PCDH15: variants seen among roughly 807,000 people sequenced by gnomAD.
PCDH15 encodes the protein protocadherin related 15, also known as protocadherin-15.
In PCDH15, 129 loss-of-function variants were observed where a neutral mutation model predicts 178.5. That is an observed-to-expected ratio of 0.72 (90% CI 0.63 to 0.84). PCDH15 has a LOEUF of 0.84. Among genes scored for constraint, PCDH15 ranks in the 40% least tolerant of loss-of-function variants. The probability of loss-of-function intolerance (pLI) is 0.00; values close to 1 mark genes in which losing one functional copy is unlikely to be tolerated. For missense variants in PCDH15, 2,230 were observed against 2,099.9 expected, an observed-to-expected ratio of 1.06 and a Z score of -1.21; for synonymous variants, 800 against 732.0, an observed-to-expected ratio of 1.09 and a Z score of -1.50.
At chr10:55,492,043 T>C (rs1328840159) in intron 2 of PCDH15, among the ~76,000 whole-genome samples, 1 of 151,664 alleles carries the variant, frequency 6.6e-6, no homozygotes, top group African/African-American at 2.4e-5. Context: ...CACAAACTGA[T>C]TGAACAATAA....
At chr10:54,250,122 G>C (rs537594107) in intron 8 of PCDH15, among the ~76,000 whole-genome samples, 1 of 148,312 alleles carries the variant, frequency 6.7e-6, no homozygotes, top group Non-Finnish European at 1.5e-5. Context: ...TGCCCAGGCT[G>C]GTCTCGAACT....
intron 25 of PCDH15, among the ~76,000 whole-genome samples, chr10:53,918,260 T>G (rs1030749580): frequency 1.3e-5 from 2 of 152,032 alleles, no homozygotes; most frequent in African/African-American, 4.8e-5. Context: ...ATCCATGAAA[T>G]AGGTATTTTC....
At chr10:55,279,095 G>A (rs558899715) in intron 1 of PCDH15, among the ~76,000 whole-genome samples, 247 of 152,294 alleles carry the variant, frequency 1.6e-3, no homozygotes, top group Non-Finnish European at 2.4e-3. Context: ...CGAGATGAGT[G>A]AGAGCCATTC....
At chr10:55,540,019 A>G (rs1174602994) in intron 2 of PCDH15, among the ~76,000 whole-genome samples, 8 of 152,086 alleles carry the variant, frequency 5.3e-5, no homozygotes, top group Non-Finnish European at 1.2e-4. Flanking sequence ...TTGTGGATCA[A>G]TAATTCAAAT....
chr10:55,552,731 A>AT (rs1842024209), intron 2 of PCDH15, among the ~76,000 whole-genome samples: 1 of 151,420 alleles, frequency 6.6e-6, no homozygotes, highest in Non-Finnish European at 1.5e-5. Flanking sequence ...ATATTAACTA[A>AT]TGCATGACTT....
intron 3 of PCDH15, among the ~76,000 whole-genome samples, chr10:54,447,981 A>G (rs2076246908): frequency 6.6e-6 from 1 of 151,740 alleles, no homozygotes; most frequent in Non-Finnish European, 1.5e-5. Flanking sequence ...GATATCCCAT[A>G]TGTTATAATA....
At chr10:55,070,571 G>T (rs1052066505) in intron 2 of PCDH15, among the ~76,000 whole-genome samples, 1 of 152,062 alleles carries the variant, frequency 6.6e-6, no homozygotes, top group Admixed American at 6.6e-5. Context: ...TCAGGTTTGT[G>T]AAAGATCAGA....
intron 1 of PCDH15, among the ~76,000 whole-genome samples, chr10:54,665,281 G>A (rs1326061572): frequency 6.6e-6 from 1 of 152,018 alleles, no homozygotes; most frequent in African/African-American, 2.4e-5. Flanking sequence ...ATGCAAGCCA[G>A]TGTTTCTGGG....
At chr10:54,999,729 C>T (rs541891501) in intron 2 of PCDH15, among the ~76,000 whole-genome samples, 15 of 152,166 alleles carry the variant, frequency 9.9e-5, no homozygotes, top group East Asian at 5.8e-4. Context: ...AGATATCGGG[C>T]GAAATTCACC....
chr10:55,271,479 A>G (rs1184982982), intron 1 of PCDH15, among the ~76,000 whole-genome samples: 1 of 152,124 alleles, frequency 6.6e-6, no homozygotes, highest in Non-Finnish European at 1.5e-5. Context: ...GCAATGAACA[A>G]AAATAAACAT....
Position 54,462,192 on chromosome 10 carries a change from T to C in PCDH15, c.157+65620A>G, listed in dbSNP as rs569462938. Among the ~76,000 whole-genome samples, 23 of 152,210 alleles carry C rather than the reference T, an allele frequency of 1.5e-4. 1 individual carries two copies. The South Asian group carries it at 4.1e-3, about 27-fold the overall frequency. On this transcript the variant is annotated intron_variant, in intron 3 of 37. Coordinates refer to ENST00000644397, the MANE Select transcript of PCDH15 (RefSeq NM_001384140.1). ...TTCTGCAAATGTGCGTAATAATTTTTGTCAATGTTGAAAATCTTTAGGACT... is the reference window on the plus strand; with the variant it reads ...TTCTGCAAATGTGCGTAATAATTTTCGTCAATGTTGAAAATCTTTAGGACT...
intron 2 of PCDH15, among the ~76,000 whole-genome samples, chr10:54,578,148 T>C (rs2090695993): frequency 6.6e-6 from 1 of 152,144 alleles, no homozygotes; most frequent in Admixed American, 6.6e-5. Context: ...CTTAGCCTTT[T>C]TGAAGTACTT....
chr10:54,154,266 C>A (rs930212278), intron 13 of PCDH15, among the ~76,000 whole-genome samples: 2 of 151,938 alleles, frequency 1.3e-5, no homozygotes, highest in Non-Finnish European at 2.9e-5. Context: ...TTTCTGTATT[C>A]ATCATACAAA....
At chr10:54,794,498 A>T (rs1951766779) in intron 1 of PCDH15, among the ~76,000 whole-genome samples, 1 of 151,836 alleles carries the variant, frequency 6.6e-6, no homozygotes, top group Non-Finnish European at 1.5e-5. Flanking sequence ...TTTTTGAAAA[A>T]TATTAGCACA....
chr10:54,220,569 T>G (rs551652410), intron 9 of PCDH15, among the ~76,000 whole-genome samples: 3 of 152,252 alleles, frequency 2.0e-5, no homozygotes, highest in African/African-American at 7.2e-5. Context: ...AAAAAATACA[T>G]CTCCTTAGCA....
At position 55,064,251 on chromosome 10, in the gene PCDH15, T is replaced by A. The variant is rs571660326; in HGVS notation, c.-80+102325A>T. On this transcript the variant is annotated intron_variant, in intron 2 of 5. Transcript: ENST00000458638. Reference sequence around the variant, plus strand: ...GGAGTTACTGCTACTAGCACTATAATTACTACCACTACTGCTACTTGTGTA... The same window carrying A: ...GGAGTTACTGCTACTAGCACTATAAATACTACCACTACTGCTACTTGTGTA... Among the ~76,000 whole-genome samples, 243 of 152,270 alleles carry A rather than the reference T, an allele frequency of 1.6e-3. 1 individual carries two copies. Among genetic ancestry groups the A allele is most frequent in the African/African-American group, 5.4e-3 (224 of 41,582 alleles).
intron 3 of PCDH15, among the ~76,000 whole-genome samples, chr10:54,511,744 A>T (rs1396203901): frequency 1.3e-5 from 2 of 152,168 alleles, no homozygotes; most frequent in African/African-American, 4.8e-5. Context: ...TTATATAGCT[A>T]CTATATTTTT....
At chr10:54,199,570 CAATAAT>C (rs68082093) in intron 10 of PCDH15, among the ~76,000 whole-genome samples, 27 of 142,540 alleles carry the variant, frequency 1.9e-4, no homozygotes, top group Non-Finnish European at 3.3e-4. Context: ...ACAACAACAA[CAATAAT>C]AATAATAATA....
rs111775615 is a variant in PCDH15 at position 54,343,867 on chromosome 10, G to T, written c.594+2498C>A. Among the ~76,000 whole-genome samples, 1,022 of 132,966 alleles carry T rather than the reference G, an allele frequency of 7.7e-3. 13 individuals carry two copies. Among genetic ancestry groups the T allele is most frequent in the African/African-American group, 0.031 (966 of 31,134 alleles). 87.2% of individuals were successfully genotyped at this position (132,966 alleles called of 152,430 possible). ...AAAAGATTTGCAACAAAACAGAAAG[G>T]CTCAATTTAATTATTCCAATTTTAT... is the stretch of plus-strand genomic sequence containing the variant. On this transcript the variant is annotated intron_variant, in intron 6 of 37. Transcript: ENST00000644397.
Sources: gnomAD v4.1 joint callset for allele counts (sites outside exome capture counted in the v4.1 genomes callset) on GRCh38, gnomAD v4.1.1 for gene constraint, MANE v1.5 for transcripts, NCBI Gene and HGNC (gene_info 2026-07-23, HGNC 2026-07-21) for gene names.